The following ANKS1A variants were observed in gnomAD, a reference collection of about 807,000 sequenced individuals.
The protein encoded by ANKS1A is ankyrin repeat and sterile alpha motif domain containing 1A.
ANKS1A carries 55 observed loss-of-function variants against 120.3 expected under a neutral mutation model. That is an observed-to-expected ratio of 0.46 (90% CI 0.37 to 0.57). The LOEUF (loss-of-function observed/expected upper bound fraction) is 0.57. ANKS1A is among the 20% of genes least tolerant of loss of function. The pLI, the probability that ANKS1A is intolerant of heterozygous loss-of-function variation, is 0.00. For synonymous variants in ANKS1A, 590 were observed against 604.7 expected, an observed-to-expected ratio of 0.98 and a Z score of 0.36; for missense variants, 1,123 against 1,480.3, an observed-to-expected ratio of 0.76 and a Z score of 3.96.
In ANKS1A at chr6:34,994,429, T is replaced by C; in HGVS notation, c.1423+7T>C. 6.2e-7 allele frequency: 1 copy of C among 1,609,966 alleles called. No individual in the cohort carries two copies. Among genetic ancestry groups the C allele is most frequent in the Non-Finnish European group, 8.5e-7 (1 of 1,177,280 alleles). On this transcript the variant is annotated splice_region_variant and intron_variant, in intron 10 of 23. Transcript: ENST00000360359. ...GTGGATGGAAAAACAAAAGGTACGT[T>C]CCCCACAACTCCTGGCAGAACCAAC...
chr6:34,956,135 G>A (rs1381812533), intron 1 of ANKS1A, among the ~76,000 whole-genome samples: 1 of 151,366 alleles, frequency 6.6e-6, no homozygotes, highest in Non-Finnish European at 1.5e-5. Flanking sequence ...TCCACTTTCT[G>A]AGAAGTTTAT....
chr6:34,891,795 A>C (rs1231567150), intron 1 of ANKS1A, among the ~76,000 whole-genome samples: 5 of 151,946 alleles, frequency 3.3e-5, no homozygotes, highest in Admixed American at 3.3e-4. Context: ...CACCCAGCTA[A>C]TTTTTGTATT....
At chr6:34,937,384 C>T (rs1769310613) in intron 1 of ANKS1A, among the ~76,000 whole-genome samples, 1 of 151,436 alleles carries the variant, frequency 6.6e-6, no homozygotes, top group Non-Finnish European at 1.5e-5. Context: ...ATCTTAGGGC[C>T]CTTGTATGAT....
At chr6:34,915,663 A>T (rs1186412398) in intron 1 of ANKS1A, among the ~76,000 whole-genome samples, 1 of 152,116 alleles carries the variant, frequency 6.6e-6, no homozygotes, top group Non-Finnish European at 1.5e-5. Flanking sequence ...TTGGTTAGCA[A>T]GTAACAGTTT....
intron 1 of ANKS1A, among the ~76,000 whole-genome samples, chr6:34,903,888 G>A (rs924772179): frequency 6.6e-5 from 10 of 152,170 alleles, no homozygotes; most frequent in African/African-American, 2.2e-4. Context: ...GCAATGGCAC[G>A]ATATTAGCTC....
the ANKS1A span, among the ~76,000 whole-genome samples, chr6:35,097,071 A>T: frequency 2.6e-5 from 4 of 151,898 alleles, no homozygotes; most frequent in African/African-American, 9.7e-5. Flanking sequence ...TTTCAAATTA[A>T]TGGCTTTACA....
intron 1 of ANKS1A, among the ~76,000 whole-genome samples, chr6:34,959,198 C>T (rs145485603): frequency 1.2e-3 from 186 of 152,296 alleles, no homozygotes; most frequent in African/African-American, 4.2e-3. Context: ...GTTCTTCTGT[C>T]GCTGTGTTTT....
At chr6:34,981,058 A>G (rs1771879232) in intron 3 of ANKS1A, among the ~76,000 whole-genome samples, 1 of 152,156 alleles carries the variant, frequency 6.6e-6, no homozygotes, top group Non-Finnish European at 1.5e-5. Context: ...CTCCTGGGGT[A>G]GGCACAGTGC....
chr6:34,955,612 G>A (rs1330165236), intron 1 of ANKS1A, among the ~76,000 whole-genome samples: 1 of 152,078 alleles, frequency 6.6e-6, no homozygotes, highest in East Asian at 1.9e-4. Flanking sequence ...CTCTAGGCCT[G>A]CTGTGTAGCT....
intron 1 of ANKS1A, among the ~76,000 whole-genome samples, chr6:34,927,437 A>G (rs1174285522): frequency 6.6e-6 from 1 of 152,104 alleles, no homozygotes; most frequent in Non-Finnish European, 1.5e-5. Context: ...AATGGGCACT[A>G]AAGATTAGTT....
At chr6:34,971,924 T>C (rs1771204457) in intron 3 of ANKS1A, among the ~76,000 whole-genome samples, 1 of 152,224 alleles carries the variant, frequency 6.6e-6, no homozygotes, top group African/African-American at 2.4e-5. Context: ...TTATAACATT[T>C]GGGAATGAAA....
intron 9 of ANKS1A, among the ~76,000 whole-genome samples, chr6:34,990,552 G>A (rs1772451342): frequency 6.8e-6 from 1 of 147,420 alleles, no homozygotes; most frequent in Non-Finnish European, 1.5e-5. Flanking sequence ...GTTGGGGCTG[G>A]TTCTCTGTAA....
chr6:34,913,149 T>C (rs1156513406), intron 1 of ANKS1A, among the ~76,000 whole-genome samples: 2 of 152,226 alleles, frequency 1.3e-5, no homozygotes, highest in Non-Finnish European at 2.9e-5. Flanking sequence ...TAATCTCAGG[T>C]AGCCCTAACA....
At chr6:35,049,695 G>A (rs1034349948) in intron 11 of ANKS1A, among the ~76,000 whole-genome samples, 1 of 152,160 alleles carries the variant, frequency 6.6e-6, no homozygotes, top group Non-Finnish European at 1.5e-5. Context: ...AACTTCTCTC[G>A]TGCTCCCATT....
chr6:35,000,247 A>G (rs992513651), intron 10 of ANKS1A, among the ~76,000 whole-genome samples: 4 of 151,792 alleles, frequency 2.6e-5, no homozygotes, highest in Admixed American at 2.0e-4. Flanking sequence ...CTGCTTTGCT[A>G]ATGAAAAAAA....
chr6:35,007,569 A>G (rs962037975), intron 10 of ANKS1A, among the ~76,000 whole-genome samples: 1 of 152,208 alleles, frequency 6.6e-6, no homozygotes, highest in African/African-American at 2.4e-5. Flanking sequence ...TTGGAGAAAT[A>G]GTGGACAACT....
chr6:34,978,332 A>G (rs1296241563), intron 3 of ANKS1A, among the ~76,000 whole-genome samples: 1 of 152,040 alleles, frequency 6.6e-6, no homozygotes, highest in African/African-American at 2.4e-5. Flanking sequence ...ATTTCCTCTC[A>G]CTCCATTTTC....
At chr6:35,004,461 A>G (rs1275694708) in intron 10 of ANKS1A, among the ~76,000 whole-genome samples, 1 of 152,124 alleles carries the variant, frequency 6.6e-6, no homozygotes, top group Non-Finnish European at 1.5e-5. Context: ...CCATCTCTAA[A>G]ATAAAATTTT....
chr6:34,992,209 C>T (rs1772611212), intron 9 of ANKS1A, among the ~76,000 whole-genome samples: 1 of 152,228 alleles, frequency 6.6e-6, no homozygotes, highest in Admixed American at 6.5e-5. Context: ...CCCCAGACCT[C>T]TCTGGGAACC....
Sources: allele counts gnomAD v4.1 joint callset (sites outside exome capture counted in the v4.1 genomes callset), GRCh38; gene constraint gnomAD v4.1.1; transcripts MANE v1.5; gene names NCBI Gene and HGNC (gene_info 2026-07-23, HGNC 2026-07-21).